VAT1L: variants seen among roughly 807,000 people sequenced by gnomAD.
The protein encoded by VAT1L is vesicle amine transport 1 like.
Under a neutral mutation model 44.1 loss-of-function variants are expected in VAT1L, and 34 were observed. The ratio of observed to expected loss-of-function variants is 0.77; its 90% CI spans 0.59 to 1.03. VAT1L has a LOEUF of 1.03. Ranked by LOEUF, VAT1L falls within the 50% of genes least tolerant of loss-of-function variation. The pLI is 0.00. For synonymous variants in VAT1L, 253 were observed against 202.2 expected, an observed-to-expected ratio of 1.25 and a Z score of -2.13; for missense variants, 615 against 538.8, an observed-to-expected ratio of 1.14 and a Z score of -1.40.
chr16:77,799,497 A>G (rs2145211235), intron 1 of VAT1L, among the ~76,000 whole-genome samples: 1 of 144,822 alleles, frequency 6.9e-6, no homozygotes, highest in African/African-American at 2.6e-5. Context: ...GCCCCACTGG[A>G]ATACATGGTG....
intron 6 of VAT1L, among the ~76,000 whole-genome samples, chr16:77,882,820 G>A (rs184044991): frequency 6.6e-6 from 1 of 152,170 alleles, no homozygotes; most frequent in Non-Finnish European, 1.5e-5. Context: ...CTGTCCCATA[G>A]AATAGAATTT....
intron 7 of VAT1L, among the ~76,000 whole-genome samples, chr16:77,918,643 C>T (rs2017575656): frequency 6.6e-6 from 1 of 152,108 alleles, no homozygotes; most frequent in Non-Finnish European, 1.5e-5. Context: ...GGAAAAATAC[C>T]ATCTTCCAAT....
intron 3 of VAT1L, among the ~76,000 whole-genome samples, chr16:77,857,514 C>T (rs2016871225): frequency 6.6e-6 from 1 of 151,974 alleles, no homozygotes; most frequent in Non-Finnish European, 1.5e-5. Flanking sequence ...AGAAAGGCCG[C>T]AAGTAGATAT....
In VAT1L at chr16:77,979,914, A is replaced by C. The variant is rs766311698; in HGVS notation, c.*2219A>C. ...TCCTGTCTCTTGATTGTTTTTTCTG[A>C]AGGAAGTGTAAAGAATGTCTCAGTC... is the stretch of plus-strand genomic sequence containing the variant. On this transcript the variant is annotated 3_prime_UTR_variant, in exon 9 of 9. Coordinates refer to ENST00000302536, the MANE Select transcript of VAT1L (RefSeq NM_020927.3). The C allele has an allele frequency of 7.9e-4, 121 of 152,652 alleles. No homozygotes were observed. The highest frequency in any genetic ancestry group is 1.4e-3 in the Non-Finnish European group (93 of 67,994). 9.5% of individuals were successfully genotyped at this position (152,652 alleles called of 1,614,324 possible).
chr16:77,885,529 C>A (rs1044544598), intron 7 of VAT1L, among the ~76,000 whole-genome samples: 7 of 151,956 alleles, frequency 4.6e-5, no homozygotes, highest in African/African-American at 1.7e-4. Context: ...AGAGATGTGG[C>A]CTGGATTTTA....
At chr16:77,920,492 C>G (rs971845206) in intron 7 of VAT1L, among the ~76,000 whole-genome samples, 2 of 152,178 alleles carry the variant, frequency 1.3e-5, no homozygotes, top group East Asian at 1.9e-4. Context: ...GAAAACACCC[C>G]CTGAATTATA....
intron 7 of VAT1L, among the ~76,000 whole-genome samples, chr16:77,893,965 C>T (rs1382607903): frequency 6.6e-6 from 1 of 152,142 alleles, no homozygotes; most frequent in Non-Finnish European, 1.5e-5. Flanking sequence ...CATGATTACC[C>T]CTAGTGGTGA....
chr16:77,845,113 G>T (rs1413953098), intron 3 of VAT1L, among the ~76,000 whole-genome samples: 1 of 151,164 alleles, frequency 6.6e-6, no homozygotes, highest in Admixed American at 6.6e-5. Flanking sequence ...GAGCTTGCTT[G>T]CTAAGATCTA....
At chr16:77,800,068 C>T (rs1381950130) in intron 1 of VAT1L, 13 of 152,232 alleles carry the variant, frequency 8.5e-5, no homozygotes, top group Admixed American at 8.5e-4. Flanking sequence ...TAAATCTCTC[C>T]TAAGGCCTCT....
In VAT1L at chr16:77,812,385, T is replaced by G. The variant is rs2016281341; in HGVS notation, c.234-4536T>G. On this transcript the variant is annotated intron_variant, in intron 1 of 8. Coordinates refer to ENST00000302536, the MANE Select transcript of VAT1L (RefSeq NM_020927.3). ...ACCATGCCCTGCCGTTCCCGAATCT[T>G]AAAACTCTTGATTTTAGTAACATTT... 2.0e-5 allele frequency among the ~76,000 whole-genome samples: 3 copies of G among 152,182 alleles called. No individual in the cohort carries two copies. The South Asian group carries it at 6.2e-4, about 32-fold the overall frequency.
chr16:77,864,433 T>G (rs2016948720), intron 4 of VAT1L, among the ~76,000 whole-genome samples: 1 of 150,066 alleles, frequency 6.7e-6, no homozygotes, highest in Non-Finnish European at 1.5e-5. Context: ...TCTCTACCTG[T>G]GCCCCCCCAC....
chr16:77,914,031 C>T (rs904953717), intron 7 of VAT1L, among the ~76,000 whole-genome samples: 3 of 152,190 alleles, frequency 2.0e-5, no homozygotes, highest in African/African-American at 4.8e-5. Context: ...AAGCCACTCA[C>T]TCACACAGCA....
chr16:77,946,276 G>GTTTT (rs1597114758), intron 7 of VAT1L, among the ~76,000 whole-genome samples: 1 of 33,862 alleles, frequency 3.0e-5, no homozygotes, highest in East Asian at 1.2e-3. Context: ...TAGGTTACTT[G>GTTTT]TTCTTTTTTT....
At chr16:77,932,322 G>T (rs150888027) in intron 7 of VAT1L, among the ~76,000 whole-genome samples, 1,754 of 151,990 alleles carry the variant, frequency 0.012, 35 homozygotes, top group African/African-American at 0.04. Context: ...AGCCAGGATG[G>T]TGTCCATCTC....
chr16:77,891,885 A>G (rs1300995768), intron 7 of VAT1L, among the ~76,000 whole-genome samples: 4 of 152,198 alleles, frequency 2.6e-5, no homozygotes, highest in Non-Finnish European at 5.9e-5. Context: ...ACCCTGGCTC[A>G]CACAGTGAAA....
chr16:77,931,113 A>G (rs370658952), intron 7 of VAT1L, among the ~76,000 whole-genome samples: 1 of 152,320 alleles, frequency 6.6e-6, no homozygotes, highest in African/African-American at 2.4e-5. Flanking sequence ...ATTCTACTCC[A>G]CAGCCAATGT....
chr16:77,928,733 G>A (rs2017696057), intron 7 of VAT1L, among the ~76,000 whole-genome samples: 1 of 142,538 alleles, frequency 7.0e-6, no homozygotes, highest in Admixed American at 7.4e-5. Context: ...GTCTTAAATT[G>A]ATGGGGGTGT....
rs1001396433 is a variant in VAT1L, at chr16:77,879,345, C to T, written c.882+121C>T. 4.7e-6 allele frequency: 5 copies of T among 1,070,926 alleles called. No individual in the cohort carries two copies. In the Admixed American group the frequency reaches 9.0e-5, roughly 19 times the overall value. 66.3% of individuals were successfully genotyped at this position (1,070,926 alleles called of 1,614,324 possible). A position where few individuals can be genotyped will look rare whatever the true frequency, so the allele number is the denominator to read the frequency against. On this transcript the variant is annotated intron_variant, in intron 6 of 8. Transcript: ENST00000302536. The surrounding 1 kb of genome is among the most constrained non-coding windows in gnomAD (Gnocchi z 4.1). ...CTCGTTCTGTCACCAGGCTGGAGTG[C>T]AATGGCACGATCTCGGCTCATGGCA...
intron 1 of VAT1L, among the ~76,000 whole-genome samples, chr16:77,807,645 C>T (rs1043777980): frequency 5.9e-5 from 9 of 152,258 alleles, no homozygotes; most frequent in African/African-American, 2.2e-4. Flanking sequence ...GGAACCTGAC[C>T]TATGGCATTT....
Sources: allele counts gnomAD v4.1 joint callset (sites outside exome capture counted in the v4.1 genomes callset), GRCh38; gene constraint gnomAD v4.1.1; non-coding constraint Gnocchi (gnomAD v3.1); transcripts MANE v1.5; gene names NCBI Gene and HGNC (gene_info 2026-07-23, HGNC 2026-07-21).